Variants in FILIP1 observed in about 807,000 individuals in gnomAD.
FILIP1 encodes the protein filamin A interacting protein 1.
In FILIP1, 61 loss-of-function variants were observed where a neutral mutation model predicts 102.1. The observed-to-expected ratio is 0.60, with a 90% CI of 0.49 to 0.74. FILIP1 has a LOEUF of 0.74. Ranked by LOEUF, FILIP1 falls within the 30% of genes least tolerant of loss-of-function variation. FILIP1 has a pLI of 0.00. For synonymous variants in FILIP1, 491 were observed against 526.9 expected (o/e 0.93, Z 0.93); for missense variants, 1,314 against 1,441.2 (o/e 0.91, Z 1.43).
At chr6:75,476,038 C>T (rs565601175) in intron 1 of FILIP1, among the ~76,000 whole-genome samples, 55 of 152,046 alleles carry the variant, frequency 3.6e-4, no homozygotes, top group African/African-American at 1.3e-3. Context: ...GTTAGGAGTT[C>T]GAGACCAGCC....
intron 1 of FILIP1, among the ~76,000 whole-genome samples, chr6:75,467,277 A>C (rs1392500258): frequency 6.6e-6 from 1 of 152,234 alleles, no homozygotes; most frequent in African/African-American, 2.4e-5. Flanking sequence ...ATTTCTAATG[A>C]ATAATTTGAT....
intron 1 of FILIP1, chr6:75,465,570 T>C (rs1779138067): frequency 4.3e-6 from 2 of 460,610 alleles, no homozygotes; most frequent in Admixed American, 7.9e-5. Context: ...TTCACAGCAA[T>C]TAAAAAAAAA....
chr6:75,456,393 C>A (rs114553645), intron 1 of FILIP1, among the ~76,000 whole-genome samples: 3 of 152,022 alleles, frequency 2.0e-5, no homozygotes, highest in Non-Finnish European at 2.9e-5. Context: ...TGGCATCTAG[C>A]ATATATTGCA....
chr6:75,343,579 A>C (rs753347276), intron 4 of FILIP1, among the ~76,000 whole-genome samples: 1 of 152,204 alleles, frequency 6.6e-6, no homozygotes, highest in Non-Finnish European at 1.5e-5. Flanking sequence ...ATAAACAAAA[A>C]TTGGATCCAC....
intron 2 of FILIP1, among the ~76,000 whole-genome samples, chr6:75,402,675 T>G (rs2149673462): frequency 6.6e-6 from 1 of 152,292 alleles, no homozygotes; most frequent in South Asian, 2.1e-4. Flanking sequence ...TGTTCTTGGT[T>G]GCACAAGTAA....
chr6:75,301,560 C>A (rs1321572450), intron 6 of FILIP1, among the ~76,000 whole-genome samples: 1 of 152,104 alleles, frequency 6.6e-6, no homozygotes, highest in Non-Finnish European at 1.5e-5. Context: ...ATATATGTAG[C>A]ATTAGCAGAA....
At chr6:75,487,935 A>G (rs943919166) in intron 1 of FILIP1, among the ~76,000 whole-genome samples, 13 of 152,154 alleles carry the variant, frequency 8.5e-5, no homozygotes, top group Non-Finnish European at 1.5e-4. Context: ...GGAGGTAGGC[A>G]ACAGCATTTA....
intron 2 of FILIP1, among the ~76,000 whole-genome samples, chr6:75,386,853 T>C (rs1157539784): frequency 1.3e-5 from 2 of 152,198 alleles, no homozygotes; most frequent in Non-Finnish European, 2.9e-5. Context: ...ATCTTTTCTT[T>C]TTTATTATAC....
chr6:75,379,002 ATTTCTT>A (rs1775822843), intron 2 of FILIP1, among the ~76,000 whole-genome samples: 2 of 152,176 alleles, frequency 1.3e-5, no homozygotes, highest in African/African-American at 2.4e-5. Context: ...ATTGAATTCT[ATTTCTT>A]TACCTATACA....
chr6:75,461,180 G>T (rs1779013270), intron 1 of FILIP1, among the ~76,000 whole-genome samples: 2 of 152,180 alleles, frequency 1.3e-5, no homozygotes, highest in Admixed American at 1.3e-4. Context: ...CTATGTGCTA[G>T]GCATTGCTCT....
Position 75,337,217 on chromosome 6 carries a change from G to A in FILIP1, c.629+16322C>T, listed in dbSNP as rs1232166679. Among the ~76,000 whole-genome samples the A allele has an allele frequency of 5.9e-5, 9 of 152,178 alleles. No individual in the cohort carries two copies. In the South Asian group the frequency reaches 6.2e-4, roughly 11 times the overall value. ...TATTGTGATTATAGGTCCCCAGGTC[G>A]AGTCCTAAGTCCACTATGAGTGGGA... On this transcript the variant is annotated intron_variant, in intron 4 of 5. Transcript: ENST00000237172.
At chr6:75,463,362 A>G (rs1779078814) in intron 1 of FILIP1, among the ~76,000 whole-genome samples, 1 of 152,256 alleles carries the variant, frequency 6.6e-6, no homozygotes, top group African/African-American at 2.4e-5. Flanking sequence ...TTATAACCTA[A>G]TTGATTACCG....
At chr6:75,305,776 C>G (rs187522032), downstream of FILIP1, among the ~76,000 whole-genome samples, 69 of 119,924 alleles carry the variant, frequency 5.8e-4, no homozygotes, top group African/African-American at 2.1e-3. Flanking sequence ...TCCTGCACAT[C>G]CCTAGAGGGC....
intron 2 of FILIP1, among the ~76,000 whole-genome samples, chr6:75,399,855 G>A (rs1053605577): frequency 1.3e-5 from 2 of 152,122 alleles, no homozygotes. Flanking sequence ...TTATGAAAAA[G>A]TTTTAAACAT....
intron 1 of FILIP1, among the ~76,000 whole-genome samples, chr6:75,432,486 T>C (rs557721132): frequency 1.2e-4 from 19 of 152,212 alleles, no homozygotes; most frequent in Non-Finnish European, 2.4e-4. Context: ...AGGAAGATTT[T>C]TGCCTATGCT....
chr6:75,348,877 A>G lies in FILIP1; in HGVS notation c.629+4662T>C, dbSNP rs184538428. 2.0e-3 allele frequency among the ~76,000 whole-genome samples: 298 copies of G among 152,298 alleles called. 1 individual carries two copies. Among genetic ancestry groups the G allele is most frequent in the Middle Eastern group, 3.4e-3 (1 of 294 alleles). ...CATTCTAGAGACACCGCTGGTCCTA[A>G]TATCTCTGTGCTTATATCTTCATGA... On this transcript the variant is annotated intron_variant, in intron 4 of 5. Coordinates refer to ENST00000237172, the MANE Select transcript of FILIP1 (RefSeq NM_015687.5).
intron 2 of FILIP1, among the ~76,000 whole-genome samples, chr6:75,393,220 G>C (rs767429496): frequency 1.1e-4 from 17 of 152,050 alleles, no homozygotes; most frequent in Non-Finnish European, 1.9e-4. Context: ...AACTAAAACT[G>C]TCTTTAAGTA....
chr6:75,437,313 G>A (rs1778059654), intron 1 of FILIP1, among the ~76,000 whole-genome samples: 1 of 152,242 alleles, frequency 6.6e-6, no homozygotes, highest in South Asian at 2.1e-4. Flanking sequence ...ATGTGAGTTT[G>A]TATGGACAAA....
intron 1 of FILIP1, among the ~76,000 whole-genome samples, chr6:75,466,207 T>C (rs1007929890): frequency 6.6e-6 from 1 of 152,246 alleles, no homozygotes; most frequent in African/African-American, 2.4e-5. Context: ...ATTTATTTTT[T>C]ATTTTTCATA....
Sources: allele counts gnomAD v4.1 joint callset (sites outside exome capture counted in the v4.1 genomes callset), GRCh38; gene constraint gnomAD v4.1.1; transcripts MANE v1.5; gene names NCBI Gene and HGNC (gene_info 2026-07-23, HGNC 2026-07-21).